Variants in MYO16 observed in about 807,000 individuals in gnomAD.
MYO16 encodes unconventional myosin-XVI.
Under a neutral mutation model 205.3 loss-of-function variants are expected in MYO16, and 94 were observed. The observed-to-expected ratio is 0.46, with a 90% CI of 0.39 to 0.54. The LOEUF (loss-of-function observed/expected upper bound fraction) is 0.54, where lower values mean the gene tolerates loss of function less well. Among genes scored for constraint, MYO16 ranks in the 20% least tolerant of loss-of-function variants. The pLI is 0.00. For synonymous variants in MYO16, 988 were observed against 954.0 expected (o/e 1.04, Z -0.66); for missense variants, 2,315 against 2,387.5 (o/e 0.97, Z 0.63).
chr13:108,648,022 A>G (rs1296707281), intron 1 of MYO16, among the ~76,000 whole-genome samples: 2 of 152,204 alleles, frequency 1.3e-5, no homozygotes, highest in East Asian at 3.9e-4. Flanking sequence ...CATGAAGTTT[A>G]TGGTCTATAG....
chr13:108,756,175 T>A (rs919181660), intron 4 of MYO16, among the ~76,000 whole-genome samples: 1 of 152,254 alleles, frequency 6.6e-6, no homozygotes, highest in East Asian at 1.9e-4. Flanking sequence ...TTAAAGACTT[T>A]CAATATTTAT....
intron 4 of MYO16, among the ~76,000 whole-genome samples, chr13:108,781,799 A>G (rs1410297985): frequency 6.6e-6 from 1 of 152,134 alleles, no homozygotes; most frequent in Non-Finnish European, 1.5e-5. Flanking sequence ...GTCTCATGAT[A>G]GTGAAGAAGT....
In MYO16 at chr13:108,629,703, A is replaced by T. The variant is rs1374904851; in HGVS notation, c.-142A>T. The T allele has an allele frequency of 2.9e-6, 2 of 697,444 alleles. No individual in the cohort carries two copies. Among genetic ancestry groups the T allele is most frequent in the South Asian group, 2.3e-5 (1 of 44,382 alleles). 43.2% of individuals were successfully genotyped at this position (697,444 alleles called of 1,614,324 possible). The stretch of plus-strand genomic sequence containing the variant: ...TTTGAAGCTTTTTGCAGGATCATGG[A>T]ACAGAGCCTCCATGCAATAGTGCAT... On this transcript the variant is annotated 5_prime_UTR_variant, in exon 1 of 35. Transcript: ENST00000457511.
rs58645882 is a variant in MYO16, at chr13:108,752,808, ATT to A, written c.507+25249_507+25250del. Among the ~76,000 whole-genome samples, 507 of 90,520 alleles carry A rather than the reference ATT, an allele frequency of 5.6e-3. 3 individuals are homozygous for A. Among genetic ancestry groups the A allele is most frequent in the African/African-American group, 0.018 (429 of 24,416 alleles). The allele number at this position is 90,520 out of a possible 152,430, so 59.4% of individuals were successfully genotyped here. On this transcript the variant is annotated intron_variant, in intron 4 of 34. Coordinates refer to ENST00000457511, the MANE Select transcript of MYO16 (RefSeq NM_001198950.3). ...AGACACCTGCCACCGTGCCCAGCTA[ATT>A]TTTTTTTTTTTTTTTTTTTTTTTAG...
At chr13:109,052,543 T>TAA (rs371338013) in intron 25 of MYO16, 68 bp downstream of exon 25, 9 of 1,197,610 alleles carry the variant, frequency 7.5e-6, no homozygotes, top group South Asian at 1.5e-5. Context: ...TCTTTTTTTT[T>TAA]AAAAAAAAGC....
At chr13:109,033,639 G>A (rs993670477) in intron 23 of MYO16, among the ~76,000 whole-genome samples, 3 of 152,148 alleles carry the variant, frequency 2.0e-5, no homozygotes, top group African/African-American at 7.2e-5. Context: ...TGATTACAGG[G>A]AATAGATTCC....
chr13:108,738,853 A>T (rs1884798091), intron 4 of MYO16, among the ~76,000 whole-genome samples: 1 of 152,164 alleles, frequency 6.6e-6, no homozygotes, highest in African/African-American at 2.4e-5. Context: ...TAGGATAGTT[A>T]GCTCTTCTTG....
At chr13:108,536,832 T>G in the MYO16 span, among the ~76,000 whole-genome samples, 1 of 152,060 alleles carries the variant, frequency 6.6e-6, no homozygotes, top group East Asian at 1.9e-4. Flanking sequence ...TAAGAAATAT[T>G]TAAAATCTAA....
At chr13:108,582,064 C>G in the MYO16 span, among the ~76,000 whole-genome samples, 1 of 151,946 alleles carries the variant, frequency 6.6e-6, no homozygotes, top group Non-Finnish European at 1.5e-5. Context: ...AATGTATTTT[C>G]TATGTATCAT....
At chr13:108,783,987 G>A (rs956734089) in intron 4 of MYO16, among the ~76,000 whole-genome samples, 2 of 152,142 alleles carry the variant, frequency 1.3e-5, no homozygotes, top group African/African-American at 4.8e-5. Context: ...AGACAATAGT[G>A]ATGTAGGGCC....
At chr13:109,101,500 A>G (rs1218720191) in intron 28 of MYO16, 1 of 152,252 alleles carries the variant, frequency 6.6e-6, no homozygotes, top group East Asian at 1.9e-4. Flanking sequence ...AGACTTGCAG[A>G]AAAAGAAAAT....
At chr13:108,508,883 C>A in the MYO16 span, among the ~76,000 whole-genome samples, 2 of 152,178 alleles carry the variant, frequency 1.3e-5, no homozygotes, top group African/African-American at 4.8e-5. Context: ...ATGGGACTTA[C>A]TATTCAGTTA....
chr13:108,617,980 G>C (rs977502961), intron 1 of MYO16, among the ~76,000 whole-genome samples: 1 of 152,074 alleles, frequency 6.6e-6, no homozygotes, highest in Non-Finnish European at 1.5e-5. Context: ...CTAGAAAGCT[G>C]GTCTTCTCTC....
chr13:108,934,612 A>T (rs1465048053), intron 16 of MYO16, among the ~76,000 whole-genome samples: 4 of 151,882 alleles, frequency 2.6e-5, no homozygotes, highest in Non-Finnish European at 5.9e-5. Context: ...GGTCTCTCTC[A>T]CTTGTCAATT....
rs115099597 is a variant in MYO16 at position 108,761,637 on chromosome 13, C to T, written c.508-23998C>T. Among the ~76,000 whole-genome samples the T allele has an allele frequency of 8.3e-3, 1,264 of 152,286 alleles. 20 individuals carry two copies. The highest frequency in any genetic ancestry group is 0.029 in the African/African-American group (1,193 of 41,558). ...TTCAAGAAGGCATCCGCTTGAGTCT[C>T]ATCTCAAAGTGAAATGACATTTGAC... On this transcript the variant is annotated intron_variant, in intron 4 of 34. Coordinates refer to ENST00000457511, the MANE Select transcript of MYO16 (RefSeq NM_001198950.3).
chr13:108,749,526 G>A (rs112616117), intron 4 of MYO16, among the ~76,000 whole-genome samples: 4,962 of 152,220 alleles, frequency 0.033, 254 homozygotes, highest in African/African-American at 0.11. Flanking sequence ...ATGCTCAGTA[G>A]CATTTGTTAT....
At chr13:108,561,529 G>A in the MYO16 span, among the ~76,000 whole-genome samples, 1 of 152,176 alleles carries the variant, frequency 6.6e-6, no homozygotes, top group Non-Finnish European at 1.5e-5. Flanking sequence ...AGGTACAAAT[G>A]TTTTTAACTG....
chr13:108,692,463 C>T (rs974298196), intron 2 of MYO16, among the ~76,000 whole-genome samples: 1 of 152,190 alleles, frequency 6.6e-6, no homozygotes, highest in African/African-American at 2.4e-5. Context: ...GGGCAGTTCT[C>T]TCCTGTGAAG....
At chr13:108,959,930 A>G (rs1883517025) in intron 17 of MYO16, among the ~76,000 whole-genome samples, 1 of 151,376 alleles carries the variant, frequency 6.6e-6, no homozygotes, top group Non-Finnish European at 1.5e-5. Context: ...AGAGGTGCCT[A>G]TCTTGTAGGT....
Sources: allele counts gnomAD v4.1 joint callset (sites outside exome capture counted in the v4.1 genomes callset), GRCh38; gene constraint gnomAD v4.1.1; transcripts MANE v1.5; gene names NCBI Gene and HGNC (gene_info 2026-07-23, HGNC 2026-07-21).